Variants in PTPRG observed in about 807,000 individuals in gnomAD.
PTPRG encodes receptor-type tyrosine-protein phosphatase gamma.
PTPRG carries 102 observed loss-of-function variants against 165.3 expected under a neutral mutation model. The ratio of observed to expected loss-of-function variants is 0.62; its 90% CI spans 0.53 to 0.73. The LOEUF (loss-of-function observed/expected upper bound fraction) is 0.73. Among genes scored for constraint, PTPRG ranks in the 30% least tolerant of loss-of-function variants. The probability of loss-of-function intolerance (pLI) is 0.00; values close to 1 mark genes in which losing one functional copy is unlikely to be tolerated. For synonymous variants in PTPRG, 675 were observed against 669.5 expected (o/e 1.01, Z -0.13); for missense variants, 1,866 against 1,861.4 (o/e 1.00, Z -0.05).
chr3:62,143,162 A>G (rs1458003698), intron 6 of PTPRG, among the ~76,000 whole-genome samples: 1 of 152,210 alleles, frequency 6.6e-6, no homozygotes, highest in Non-Finnish European at 1.5e-5. Context: ...GTGAAGACAT[A>G]TTGAACAGGA....
chr3:61,688,331 C>T (rs1703705889), intron 1 of PTPRG, among the ~76,000 whole-genome samples: 1 of 152,190 alleles, frequency 6.6e-6, no homozygotes, highest in African/African-American at 2.4e-5. Flanking sequence ...AAACAGCTCC[C>T]CACGGGCCAG....
At chr3:61,996,520 C>T (rs2041043669) in intron 3 of PTPRG, among the ~76,000 whole-genome samples, 1 of 152,146 alleles carries the variant, frequency 6.6e-6, no homozygotes, top group Non-Finnish European at 1.5e-5. Flanking sequence ...AGCAGAACAT[C>T]AGCCAAGTAG....
At chr3:61,566,618 C>T (rs1699921437) in intron 1 of PTPRG, among the ~76,000 whole-genome samples, 1 of 152,176 alleles carries the variant, frequency 6.6e-6, no homozygotes, top group African/African-American at 2.4e-5. Flanking sequence ...AGCGATTCTC[C>T]TGCCTCAGCC....
At chr3:62,076,792 G>C (rs1487653975) in intron 4 of PTPRG, among the ~76,000 whole-genome samples, 1 of 152,074 alleles carries the variant, frequency 6.6e-6, no homozygotes, top group East Asian at 1.9e-4. Context: ...TGTTGGTCAG[G>C]CTGGTCTCGA....
chr3:62,033,055 A>G (rs1191839473), intron 4 of PTPRG, among the ~76,000 whole-genome samples: 1 of 152,204 alleles, frequency 6.6e-6, no homozygotes, highest in Non-Finnish European at 1.5e-5. Context: ...ATGCTGGTAT[A>G]GATGCCCTAT....
intron 2 of PTPRG, among the ~76,000 whole-genome samples, chr3:61,861,484 CT>C (rs2037269991): frequency 6.6e-6 from 1 of 152,176 alleles, no homozygotes; most frequent in Non-Finnish European, 1.5e-5. Flanking sequence ...GAGTCCTGTC[CT>C]TTGTCTTCAA....
At chr3:62,073,635 C>T (rs1701282216) in intron 4 of PTPRG, among the ~76,000 whole-genome samples, 1 of 152,136 alleles carries the variant, frequency 6.6e-6, no homozygotes, top group South Asian at 2.1e-4. Context: ...GCACCTGCCA[C>T]CGCACCTGGC....
intron 4 of PTPRG, among the ~76,000 whole-genome samples, chr3:62,052,805 A>G (rs917604333): frequency 2.6e-5 from 4 of 152,224 alleles, no homozygotes; most frequent in Non-Finnish European, 5.9e-5. Flanking sequence ...AAAAGACAAA[A>G]GAGAAGAAGA....
intron 2 of PTPRG, among the ~76,000 whole-genome samples, chr3:61,799,786 A>T (rs1322385724): frequency 1.3e-5 from 2 of 152,206 alleles, no homozygotes; most frequent in South Asian, 2.1e-4. Flanking sequence ...CACTATGTGC[A>T]GCTCACACTT....
At chr3:61,604,547 C>G (rs535304080) in intron 1 of PTPRG, among the ~76,000 whole-genome samples, 1 of 152,278 alleles carries the variant, frequency 6.6e-6, no homozygotes, top group South Asian at 2.1e-4. Flanking sequence ...TTTGTCACAT[C>G]AGTTCTCCTT....
chr3:62,278,017 A>G (rs2148883063), intron 26 of PTPRG, among the ~76,000 whole-genome samples: 1 of 152,242 alleles, frequency 6.6e-6, no homozygotes, highest in East Asian at 1.9e-4. Flanking sequence ...TGAAAAGTAA[A>G]TAATTGTAGC....
chr3:61,563,848 C>G (rs999233286), intron 1 of PTPRG, among the ~76,000 whole-genome samples: 7 of 152,188 alleles, frequency 4.6e-5, no homozygotes, highest in Non-Finnish European at 1.0e-4. Context: ...GCCCCCTTTG[C>G]AGAATCGGGG....
At chr3:62,085,647 A>G (rs887890322) in intron 5 of PTPRG, among the ~76,000 whole-genome samples, 3 of 151,930 alleles carry the variant, frequency 2.0e-5, no homozygotes, top group Admixed American at 6.6e-5. Context: ...GTTTTAGTTC[A>G]TCTGTTAACT....
chr3:61,959,217 C>G (rs1361079310), intron 2 of PTPRG, among the ~76,000 whole-genome samples: 3 of 152,158 alleles, frequency 2.0e-5, no homozygotes, highest in Non-Finnish European at 4.4e-5. Context: ...ATATCATGGC[C>G]TTCTCTGGGT....
intron 2 of PTPRG, among the ~76,000 whole-genome samples, chr3:61,783,690 G>C (rs1372121907): frequency 6.6e-6 from 1 of 152,164 alleles, no homozygotes; most frequent in African/African-American, 2.4e-5. Flanking sequence ...AGTAGAGAAA[G>C]TATGAACAAG....
intron 1 of PTPRG, chr3:61,742,776 C>G (rs530204993): frequency 6.2e-7 from 1 of 1,611,434 alleles, no homozygotes; most frequent in South Asian, 1.1e-5. Context: ...ACTCTGAGGC[C>G]AAAAACGCAT....
At chr3:61,652,973 A>C (rs1349647722) in intron 1 of PTPRG, among the ~76,000 whole-genome samples, 8 of 152,218 alleles carry the variant, frequency 5.3e-5, no homozygotes, top group African/African-American at 1.9e-4. Flanking sequence ...GGAGATTTAC[A>C]CTACAACCAC....
intron 1 of PTPRG, among the ~76,000 whole-genome samples, chr3:61,590,902 G>A (rs9311822): frequency 0.12 from 17,547 of 151,942 alleles, 1,166 homozygotes; most frequent in African/African-American, 0.18. Flanking sequence ...TCGAGGTCAG[G>A]AGTTCAAGAC....
chr3:61,627,724 T>C (rs2106919159), intron 1 of PTPRG, among the ~76,000 whole-genome samples: 1 of 152,310 alleles, frequency 6.6e-6, no homozygotes, highest in Non-Finnish European at 1.5e-5. Flanking sequence ...AATTAGCAGG[T>C]GTTTAATTAT....
Sources: allele counts gnomAD v4.1 joint callset (sites outside exome capture counted in the v4.1 genomes callset), GRCh38; gene constraint gnomAD v4.1.1; transcripts MANE v1.5; gene names NCBI Gene and HGNC (gene_info 2026-07-23, HGNC 2026-07-21).